MYO9A: variants seen among roughly 807,000 people sequenced by gnomAD.
The protein encoded by MYO9A is unconventional myosin-IXa.
Under a neutral mutation model 293.3 loss-of-function variants are expected in MYO9A, and 103 were observed. That is an observed-to-expected ratio of 0.35 (90% confidence interval 0.30 to 0.41). The LOEUF is 0.41. Ranked by LOEUF, MYO9A falls within the 10% of genes least tolerant of loss-of-function variation. The probability of loss-of-function intolerance (pLI) is 1.00; values close to 1 mark genes in which losing one functional copy is unlikely to be tolerated. For synonymous variants in MYO9A, 1,001 were observed against 1,035.7 expected, an observed-to-expected ratio of 0.97 and a Z score of 0.64; for missense variants, 2,685 against 3,033.0, an observed-to-expected ratio of 0.89 and a Z score of 2.69.
At chr15:71,917,272 C>G (rs889058405) in intron 18 of MYO9A, among the ~76,000 whole-genome samples, 2 of 152,194 alleles carry the variant, frequency 1.3e-5, no homozygotes, top group African/African-American at 4.8e-5. Flanking sequence ...CACAGTGGCA[C>G]ACGCCTGTAA....
At chr15:71,916,192 G>A (rs2058006482) in intron 19 of MYO9A, among the ~76,000 whole-genome samples, 178 bp downstream of exon 19, 1 of 151,794 alleles carries the variant, frequency 6.6e-6, no homozygotes, top group Non-Finnish European at 1.5e-5. Flanking sequence ...GAAAAACAAA[G>A]GCATCTGACT....
intron 39 of MYO9A, chr15:71,847,584 TG>T (rs1279954604): frequency 8.8e-6 from 3 of 341,536 alleles, no homozygotes; most frequent in Non-Finnish European, 1.3e-5. Flanking sequence ...TCTGCAGCAC[TG>T]GAAAAAAGCG....
chr15:71,912,271 T>C (rs2057877954), intron 19 of MYO9A, among the ~76,000 whole-genome samples: 1 of 152,102 alleles, frequency 6.6e-6, no homozygotes, highest in Non-Finnish European at 1.5e-5. Context: ...TTTTTTTTTT[T>C]TCTTGAGACA....
chr15:71,861,679 T>TAAAAAAAAAAAAA (rs66598621), intron 33 of MYO9A, among the ~76,000 whole-genome samples: 1 of 82,914 alleles, frequency 1.2e-5, no homozygotes. Flanking sequence ...ACTGATGATA[T>TAAAAAAAAAAAAA]AAAAAAAAAA....
At chr15:72,069,917 CA>C (rs1417851169) in intron 1 of MYO9A, among the ~76,000 whole-genome samples, 3 of 148,430 alleles carry the variant, frequency 2.0e-5, no homozygotes, top group Non-Finnish European at 4.5e-5. Flanking sequence ...CAGGAGTTCG[CA>C]ACCAGCCTAG....
chr15:71,875,384 T>C (rs1427011096), intron 32 of MYO9A, among the ~76,000 whole-genome samples: 1 of 152,182 alleles, frequency 6.6e-6, no homozygotes, highest in Non-Finnish European at 1.5e-5. Flanking sequence ...TATTGTGTGA[T>C]TGTATATAAA....
chr15:72,007,045 C>T (rs2077036517), intron 8 of MYO9A, among the ~76,000 whole-genome samples: 1 of 152,094 alleles, frequency 6.6e-6, no homozygotes, highest in Non-Finnish European at 1.5e-5. Flanking sequence ...GAATGATCCA[C>T]GTGGGGAATG....
At chr15:71,967,913 G>C in intron 13 of MYO9A, 71 bp downstream of exon 13, 2 of 1,385,452 alleles carry the variant, frequency 1.4e-6, no homozygotes, top group South Asian at 1.8e-5. Context: ...ACTACAAAGA[G>C]GGCAGTGTGC....
intron 8 of MYO9A, among the ~76,000 whole-genome samples, chr15:72,007,407 T>G (rs77368019): frequency 6.7e-6 from 1 of 148,398 alleles, no homozygotes; most frequent in East Asian, 2.0e-4. Context: ...AAAAAAAAAG[T>G]AGTATCCTTT....
chr15:72,059,402 G>A (rs2078815605), intron 1 of MYO9A, among the ~76,000 whole-genome samples: 1 of 152,164 alleles, frequency 6.6e-6, no homozygotes, highest in Non-Finnish European at 1.5e-5. Context: ...AAATATAATC[G>A]ACTTTTGTTT....
rs758035452 is a variant in MYO9A at position 71,828,020 on chromosome 15, C to T, written c.7047G>A (p.Glu2349=). 7 of 1,612,710 alleles carry T rather than the reference C, an allele frequency of 4.3e-6. No homozygotes were observed. The Admixed American group carries it at 1.2e-4, about 27-fold the overall frequency. ...CCAGTACAAGCATCTCAAATGTTAG[C>T]TCCTCCCTGTAAGACACAATCAAGA... ...QIENLQKEKE[E]LTFEMLVLEP... The change falls in exon 41 of 42, where the codon GAG becomes GAA. Residue 2349 remains glutamate (E), a synonymous_variant. Coordinates refer to ENST00000356056, the MANE Select transcript of MYO9A (RefSeq NM_006901.4).
intron 1 of MYO9A, among the ~76,000 whole-genome samples, chr15:72,050,845 T>C (rs1186165032): frequency 6.6e-6 from 1 of 152,140 alleles, no homozygotes; most frequent in Non-Finnish European, 1.5e-5. Context: ...AGTCACAAAA[T>C]TCCACAGAGT....
intron 15 of MYO9A, among the ~76,000 whole-genome samples, chr15:71,941,493 G>C (rs889967611): frequency 1.3e-5 from 2 of 151,964 alleles, no homozygotes; most frequent in African/African-American, 2.4e-5. Flanking sequence ...CCATTTGTTC[G>C]AATTAGCAAA....
intron 39 of MYO9A, among the ~76,000 whole-genome samples, chr15:71,838,721 G>A (rs76424118): frequency 6.6e-6 from 1 of 152,240 alleles, no homozygotes; most frequent in East Asian, 1.9e-4. Flanking sequence ...AATCTGGACT[G>A]GACTACCACT....
intron 38 of MYO9A, among the ~76,000 whole-genome samples, 199 bp from the exon 39 acceptor site, chr15:71,849,167 T>C (rs1239242962): frequency 1.3e-5 from 2 of 152,194 alleles, no homozygotes; most frequent in African/African-American, 2.4e-5. Context: ...AGAGCAGTTA[T>C]GGCTGAGCAC....
chr15:71,959,658 T>C (rs555064451), intron 14 of MYO9A: 20 of 468,650 alleles, frequency 4.3e-5, no homozygotes, highest in African/African-American at 3.3e-4. Context: ...AAATGAACAC[T>C]TCATGAACAG....
intron 12 of MYO9A, among the ~76,000 whole-genome samples, chr15:71,975,826 T>C (rs2076131001): frequency 6.6e-6 from 1 of 152,136 alleles, no homozygotes; most frequent in African/African-American, 2.4e-5. Context: ...CAGTAATGCC[T>C]ATGTAATGAA....
intron 9 of MYO9A, among the ~76,000 whole-genome samples, chr15:71,999,646 T>C (rs1222389820): frequency 6.6e-6 from 1 of 152,094 alleles, no homozygotes; most frequent in Non-Finnish European, 1.5e-5. Context: ...TGGAGAAAAA[T>C]GCAAGCCTAT....
intron 26 of MYO9A, 97 bp downstream of exon 26, chr15:71,893,582 G>T: frequency 1.1e-6 from 1 of 878,474 alleles, no homozygotes; most frequent in Non-Finnish European, 1.8e-6. Context: ...GGGAGTAAAT[G>T]GGTAGATGAG....
Sources: allele counts gnomAD v4.1 joint callset (sites outside exome capture counted in the v4.1 genomes callset), GRCh38; gene constraint gnomAD v4.1.1; transcripts MANE v1.5; gene names NCBI Gene and HGNC (gene_info 2026-07-23, HGNC 2026-07-21).